Variants in BHLHA9 observed in about 807,000 individuals in gnomAD.
BHLHA9 encodes the protein class A basic helix-loop-helix protein 9.
For missense variants in BHLHA9, 344 were observed against 365.9 expected, an observed-to-expected ratio of 0.94 and a Z score of 0.49; for synonymous variants, 177 against 179.7, an observed-to-expected ratio of 0.98 and a Z score of 0.12.
Position 1,270,860 on chromosome 17 carries a change from G to A in BHLHA9, c.297G>A (p.Lys99=). 1 of 1,476,272 alleles carries A rather than the reference G, an allele frequency of 6.8e-7. No homozygotes were observed. Among genetic ancestry groups the A allele is most frequent in the Non-Finnish European group, 8.9e-7 (1 of 1,119,180 alleles). The allele number at this position is 1,476,272 out of a possible 1,614,324, so 91.4% of individuals were successfully genotyped here. A position where few individuals can be genotyped will look rare whatever the true frequency, so the allele number is the denominator to read the frequency against. ...RRALRHDLGG[K]RLSKIATLRR... ...CGCTGCGGCACGACCTGGGCGGCAA[G>A]AGGCTCTCCAAGATCGCCACGCTGC... Residue 99 remains lysine, a synonymous_variant, in exon 1 of 1, where the codon AAG becomes AAA. Transcript: ENST00000391429.
chr17:1,271,512 G>GCC lies in BHLHA9; in HGVS notation c.*241_*242insCC. The GCC allele has an allele frequency of 2.5e-6, 1 of 395,538 alleles. No homozygotes were observed. Among genetic ancestry groups the GCC allele is most frequent in the Non-Finnish European group, 4.6e-6 (1 of 216,702 alleles). 24.5% of individuals were successfully genotyped at this position (395,538 alleles called of 1,614,324 possible). Reference sequence around the variant, plus strand: ...GGCTGCGCCCCCACATCCCAGCCTAGGGAGGCAGTTGCCAGAAAGGCTCAG... The same window carrying GCC: ...GGCTGCGCCCCCACATCCCAGCCTAGCCGGAGGCAGTTGCCAGAAAGGCTCAG... On this transcript the variant is annotated 3_prime_UTR_variant, in exon 1 of 1. Coordinates refer to ENST00000391429, the MANE Select transcript of BHLHA9 (RefSeq NM_001164405.2).
Position 1,271,116 on chromosome 17 carries a change from C to T in BHLHA9, c.553C>T (p.Leu185=). ...CGCCTCGTGCCCCCCGCACGCGCCCCTGGCACGGCCCAGTGCGGTGGCCGA... is the reference window on the plus strand; with the variant it reads ...CGCCTCGTGCCCCCCGCACGCGCCCTTGGCACGGCCCAGTGCGGTGGCCGA... ...RCASCPPHAP[L]ARPSAVAEGP... is the part of the protein sequence containing the mutation. The change falls in exon 1 of 1, where the codon CTG becomes TTG. Residue 185 remains leucine, a synonymous_variant. Transcript: ENST00000391429. 8.1e-7 allele frequency: 1 copy of T among 1,239,170 alleles called. No homozygotes were observed. 76.8% of individuals were successfully genotyped at this position (1,239,170 alleles called of 1,614,324 possible).
Position 1,270,973 on chromosome 17 carries a change from A to C in BHLHA9, c.410A>C (p.His137Pro). The C allele has an allele frequency of 8.1e-7, 1 of 1,236,266 alleles. No individual in the cohort carries two copies. Among genetic ancestry groups the C allele is most frequent in the East Asian group, 3.3e-5 (1 of 30,482 alleles). 76.6% of individuals were successfully genotyped at this position (1,236,266 alleles called of 1,614,324 possible). ...GGGCCCTGCGGACACCTGGAGTGCC[A>C]CGGCCCGGCCGCGCGCGGGGACACC... ...PRGPCGHLEC[H>P]GPAARGDTGD... is the part of the protein sequence containing the mutation. The change falls in exon 1 of 1, where the codon CAC (histidine) becomes CCC (proline). Residue 137 changes from histidine (H) to proline (P), a missense_variant. By Grantham distance (77) the His-to-Pro change is moderately conservative. Transcript: ENST00000391429.
At position 1,270,638 on chromosome 17, in the gene BHLHA9, C is replaced by A; in HGVS notation, c.75C>A (p.Gly25=). ...GAEDSAEDLG[G]PCPEPGGDSG... ...AGGACTCTGCGGAGGACTTGGGGGG[C>A]CCCTGCCCCGAGCCCGGGGGCGATT... The change falls in exon 1 of 1, where the codon GGC becomes GGA. Residue 25 remains glycine, a synonymous_variant. Transcript: ENST00000391429. The A allele has an allele frequency of 1.5e-6, 2 of 1,305,732 alleles. No homozygotes were observed. Among genetic ancestry groups the A allele is most frequent in the Non-Finnish European group, 1.9e-6 (2 of 1,034,198 alleles). The allele number at this position is 1,305,732 out of a possible 1,614,324, so 80.9% of individuals were successfully genotyped here.
Position 1,270,756 on chromosome 17 carries a change from G to C in BHLHA9, c.193G>C (p.Ala65Pro). The C allele has an allele frequency of 1.4e-6, 2 of 1,453,604 alleles. No individual in the cohort carries two copies. Among genetic ancestry groups the C allele is most frequent in the Non-Finnish European group, 1.8e-6 (2 of 1,107,116 alleles). 90.0% of individuals were successfully genotyped at this position (1,453,604 alleles called of 1,614,324 possible). Reference sequence around the variant, plus strand: ...GCGCGCGCGGCCGGTGCGGTCCAAGGCGCGGCGCATGGCCGCCAACGTGCG... The same window carrying C: ...GCGCGCGCGGCCGGTGCGGTCCAAGCCGCGGCGCATGGCCGCCAACGTGCG... ...RRRARPVRSKARRMAANVRER... is the reference protein window; with the variant it reads ...RRRARPVRSKPRRMAANVRER... Residue 65 changes from alanine to proline, a missense_variant, in exon 1 of 1, where the codon GCG becomes CCG. By Grantham distance (27) the Ala-to-Pro change is conservative. Transcript: ENST00000391429.
Position 1,270,556 on chromosome 17 carries a change from G to A in BHLHA9, c.-8G>A. The A allele has an allele frequency of 7.9e-7, 1 of 1,266,602 alleles. No homozygotes were observed. The highest frequency in any genetic ancestry group is 9.9e-7 in the Non-Finnish European group (1 of 1,008,254). The allele number at this position is 1,266,602 out of a possible 1,614,324, so 78.5% of individuals were successfully genotyped here. ...GGCTGGGGCAGAGGGCGAGTGCCCGGGAAGGCCATGCTGCGGGGCGCGCCA... is the reference window on the plus strand; with the variant it reads ...GGCTGGGGCAGAGGGCGAGTGCCCGAGAAGGCCATGCTGCGGGGCGCGCCA... On this transcript the variant is annotated 5_prime_UTR_variant, in exon 1 of 1. Coordinates refer to ENST00000391429, the MANE Select transcript of BHLHA9 (RefSeq NM_001164405.2).
At position 1,270,534 on chromosome 17, in the gene BHLHA9, T is replaced by C; in HGVS notation, c.-30T>C. 1.7e-6 allele frequency: 2 copies of C among 1,206,586 alleles called. No individual in the cohort carries two copies. The highest frequency in any genetic ancestry group is 3.2e-5 in the South Asian group (1 of 31,162). 74.7% of individuals were successfully genotyped at this position (1,206,586 alleles called of 1,614,324 possible). A position where few individuals can be genotyped will look rare whatever the true frequency, so the allele number is the denominator to read the frequency against. The stretch of plus-strand genomic sequence containing the variant: ...AGGGCAGAGGGCAGAGGGCCGGGGC[T>C]GGGGCAGAGGGCGAGTGCCCGGGAA... On this transcript the variant is annotated 5_prime_UTR_variant, in exon 1 of 1. Coordinates refer to ENST00000391429, the MANE Select transcript of BHLHA9 (RefSeq NM_001164405.2).
In BHLHA9 at chr17:1,270,984, G is replaced by A; in HGVS notation, c.421G>A (p.Ala141Thr). 1 of 1,223,496 alleles carries A rather than the reference G, an allele frequency of 8.2e-7. No individual in the cohort carries two copies. Among genetic ancestry groups the A allele is most frequent in the East Asian group, 3.3e-5 (1 of 30,124 alleles). The allele number at this position is 1,223,496 out of a possible 1,614,324, so 75.8% of individuals were successfully genotyped here. The change falls in exon 1 of 1, where the codon GCG becomes ACG. Residue 141 changes from alanine (A) to threonine (T), a missense_variant. By Grantham distance (58) the Ala-to-Thr change is moderately conservative. Transcript: ENST00000391429. The part of the protein sequence containing the change: ...CGHLECHGPA[A>T]RGDTGDTGAS... ...ACACCTGGAGTGCCACGGCCCGGCCGCGCGCGGGGACACCGGGGACACAGG... is the reference window on the plus strand; with the variant it reads ...ACACCTGGAGTGCCACGGCCCGGCCACGCGCGGGGACACCGGGGACACAGG...
Position 1,270,718 on chromosome 17 carries a change from C to G in BHLHA9, c.155C>G (p.Pro52Arg), listed in dbSNP as rs1046808951. The change falls in exon 1 of 1, where the codon CCG becomes CGG. Residue 52 changes from proline to arginine, a missense_variant. Coordinates refer to ENST00000391429, the MANE Select transcript of BHLHA9 (RefSeq NM_001164405.2). ...TGCAGCCGGGGCGAGGCGGAGGAGC[C>G]GGCGGGCAGGAGGCGCGCGCGGCCG... Reference protein sequence around the residue: ...ASCSRGEAEEPAGRRRARPVR... With the variant: ...ASCSRGEAEERAGRRRARPVR... The G allele has an allele frequency of 7.4e-7, 1 of 1,342,552 alleles. No individual in the cohort carries two copies. The highest frequency in any genetic ancestry group is 4.0e-5 in the Admixed American group (1 of 24,768). 83.2% of individuals were successfully genotyped at this position (1,342,552 alleles called of 1,614,324 possible).
In BHLHA9 at chr17:1,271,002, G is replaced by T. The variant is rs890738099; in HGVS notation, c.439G>T (p.Asp147Tyr). 274 of 1,211,286 alleles carry T rather than the reference G, an allele frequency of 2.3e-4. No individual in the cohort carries two copies. The highest frequency in any genetic ancestry group is 2.8e-4 in the Non-Finnish European group (271 of 975,916). 75.0% of individuals were successfully genotyped at this position (1,211,286 alleles called of 1,614,324 possible). ...CCCGGCCGCGCGCGGGGACACCGGG[G>T]ACACAGGCGCCAGCCCCCCGCCGCC... is the stretch of plus-strand genomic sequence containing the variant. ...HGPAARGDTG[D>Y]TGASPPPPAG... Residue 147 changes from aspartate to tyrosine, a missense_variant, in exon 1 of 1, where the codon GAC (aspartate) becomes TAC (tyrosine). By Grantham distance (160) the Asp-to-Tyr change is radical. Coordinates refer to ENST00000391429, the MANE Select transcript of BHLHA9 (RefSeq NM_001164405.2).
In BHLHA9 at chr17:1,271,221, C is replaced by G; in HGVS notation, c.658C>G (p.Pro220Ala). Residue 220 changes from proline (P) to alanine (A), a missense_variant, in exon 1 of 1, where the codon CCG becomes GCG. Coordinates refer to ENST00000391429, the MANE Select transcript of BHLHA9 (RefSeq NM_001164405.2). Reference sequence around the variant, plus strand: ...TTCCTCTGCCGGGCCGCCTCCCTGGCCGCGGGGCTACCTGCGATCCGCCCC... The same window carrying G: ...TTCCTCTGCCGGGCCGCCTCCCTGGGCGCGGGGCTACCTGCGATCCGCCCC... ...GASSAGPPPWPRGYLRSAPGM... is the reference protein window; with the variant it reads ...GASSAGPPPWARGYLRSAPGM... 8.0e-7 allele frequency: 1 copy of G among 1,254,668 alleles called. No homozygotes were observed. Among genetic ancestry groups the G allele is most frequent in the Non-Finnish European group, 1.0e-6 (1 of 993,332 alleles). The allele number at this position is 1,254,668 out of a possible 1,614,324, so 77.7% of individuals were successfully genotyped here.
At position 1,271,166 on chromosome 17, in the gene BHLHA9, C is replaced by G. The variant is rs1049249975; in HGVS notation, c.603C>G (p.Ser201=). 1.1e-5 allele frequency: 14 copies of G among 1,241,766 alleles called. No individual in the cohort carries two copies. The African/African-American group carries it at 1.7e-4, about 15-fold the overall frequency. 76.9% of individuals were successfully genotyped at this position (1,241,766 alleles called of 1,614,324 possible). The change falls in exon 1 of 1, where the codon TCC becomes TCG. Residue 201 remains serine, a synonymous_variant. Transcript: ENST00000391429. Reference sequence around the variant, plus strand: ...AGGGGCCGGGCCTAGCACAGGCCTCCGGGGGAAGCTGGCGCCGCTGTCCGG... The same window carrying G: ...AGGGGCCGGGCCTAGCACAGGCCTCGGGGGGAAGCTGGCGCCGCTGTCCGG... ...VAEGPGLAQA[S]GGSWRRCPGA...
In BHLHA9 at chr17:1,271,655, G is replaced by A. The variant is rs1389248007; in HGVS notation, c.*384G>A. ...GAGAGTGAGGGCTTTGAGGCAGGAG[G>A]TGTGGGAGCGTGGGAATGCGGGTGG... On this transcript the variant is annotated 3_prime_UTR_variant, in exon 1 of 1. Coordinates refer to ENST00000391429, the MANE Select transcript of BHLHA9 (RefSeq NM_001164405.2). 1.3e-5 allele frequency among the ~76,000 whole-genome samples: 2 copies of A among 152,264 alleles called. No individual in the cohort carries two copies. Among genetic ancestry groups the A allele is most frequent in the Non-Finnish European group, 2.9e-5 (2 of 68,052 alleles).
In BHLHA9 at chr17:1,270,500, A is replaced by G; in HGVS notation, c.-64A>G. 16 of 955,594 alleles carry G rather than the reference A, an allele frequency of 1.7e-5. No individual in the cohort carries two copies. Among genetic ancestry groups the G allele is most frequent in the Non-Finnish European group, 1.9e-5 (14 of 730,818 alleles). 59.2% of individuals were successfully genotyped at this position (955,594 alleles called of 1,614,324 possible). A position where few individuals can be genotyped will look rare whatever the true frequency, so the allele number is the denominator to read the frequency against. ...TCCGCGTCGCGAGCCGGGCCAAGGC[A>G]GTGGGCAGAGGGCAGAGGGCAGAGG... On this transcript the variant is annotated 5_prime_UTR_variant, in exon 1 of 1. Coordinates refer to ENST00000391429, the MANE Select transcript of BHLHA9 (RefSeq NM_001164405.2).
At position 1,270,770 on chromosome 17, in the gene BHLHA9, C is replaced by T; in HGVS notation, c.207C>T (p.Ala69=). The part of the protein sequence containing the change: ...RPVRSKARRM[A]ANVRERKRIL... ...TGCGGTCCAAGGCGCGGCGCATGGC[C>T]GCCAACGTGCGGGAGCGCAAGCGCA... Residue 69 remains alanine, a synonymous_variant, in exon 1 of 1, where the codon GCC becomes GCT. Transcript: ENST00000391429. The T allele has an allele frequency of 6.8e-7, 1 of 1,461,542 alleles. No individual in the cohort carries two copies. Among genetic ancestry groups the T allele is most frequent in the Non-Finnish European group, 9.0e-7 (1 of 1,111,060 alleles). 90.5% of individuals were successfully genotyped at this position (1,461,542 alleles called of 1,614,324 possible).
chr17:1,271,185 T>C lies in BHLHA9; in HGVS notation c.622T>C (p.Cys208Arg). ...AQASGGSWRR[C>R]PGASSAGPPP... The stretch of plus-strand genomic sequence containing the variant: ...GGCCTCCGGGGGAAGCTGGCGCCGC[T>C]GTCCGGGGGCTTCCTCTGCCGGGCC... Residue 208 changes from cysteine to arginine, a missense_variant, in exon 1 of 1, where the codon TGT becomes CGT. Transcript: ENST00000391429. 8.0e-7 allele frequency: 1 copy of C among 1,246,702 alleles called. No individual in the cohort carries two copies. The allele number at this position is 1,246,702 out of a possible 1,614,324, so 77.2% of individuals were successfully genotyped here.
Position 1,270,880 on chromosome 17 carries a change from C to T in BHLHA9, c.317C>T (p.Thr106Met). The T allele has an allele frequency of 6.8e-7, 1 of 1,473,364 alleles. No homozygotes were observed. Among genetic ancestry groups the T allele is most frequent in the African/African-American group, 1.5e-5 (1 of 68,284 alleles). The allele number at this position is 1,473,364 out of a possible 1,614,324, so 91.3% of individuals were successfully genotyped here. The change falls in exon 1 of 1, where the codon ACG (threonine) becomes ATG (methionine). Residue 106 changes from threonine (T) to methionine (M), a missense_variant. Thr to Met is a moderately conservative substitution (Grantham distance 81). Coordinates refer to ENST00000391429, the MANE Select transcript of BHLHA9 (RefSeq NM_001164405.2). ...GGCAAGAGGCTCTCCAAGATCGCCACGCTGCGCAGGGCCATCCACCGCATC... is the reference window on the plus strand; with the variant it reads ...GGCAAGAGGCTCTCCAAGATCGCCATGCTGCGCAGGGCCATCCACCGCATC... ...LGGKRLSKIATLRRAIHRIAA... is the reference protein window; with the variant it reads ...LGGKRLSKIAMLRRAIHRIAA...
rs1181572015 is a variant in BHLHA9 at position 1,271,509 on chromosome 17, C to T, written c.*238C>T. On this transcript the variant is annotated 3_prime_UTR_variant, in exon 1 of 1. Coordinates refer to ENST00000391429, the MANE Select transcript of BHLHA9 (RefSeq NM_001164405.2). Reference sequence around the variant, plus strand: ...TGGGGCTGCGCCCCCACATCCCAGCCTAGGGAGGCAGTTGCCAGAAAGGCT... The same window carrying T: ...TGGGGCTGCGCCCCCACATCCCAGCTTAGGGAGGCAGTTGCCAGAAAGGCT... 2 of 397,400 alleles carry T rather than the reference C, an allele frequency of 5.0e-6. No homozygotes were observed. The highest frequency in any genetic ancestry group is 9.2e-6 in the Non-Finnish European group (2 of 217,788). The allele number at this position is 397,400 out of a possible 1,614,324, so 24.6% of individuals were successfully genotyped here.
Position 1,270,885 on chromosome 17 carries a change from C to T in BHLHA9, c.322C>T (p.Arg108Cys). The T allele has an allele frequency of 6.8e-7, 1 of 1,464,128 alleles. No individual in the cohort carries two copies. Among genetic ancestry groups the T allele is most frequent in the Non-Finnish European group, 9.0e-7 (1 of 1,112,438 alleles). 90.7% of individuals were successfully genotyped at this position (1,464,128 alleles called of 1,614,324 possible). Residue 108 changes from arginine (R) to cysteine (C), a missense_variant, in exon 1 of 1, where the codon CGC (arginine) becomes TGC (cysteine). By Grantham distance (180) the Arg-to-Cys change is radical. Transcript: ENST00000391429. ...GKRLSKIATLRRAIHRIAALS... is the reference protein window; with the variant it reads ...GKRLSKIATLCRAIHRIAALS... ...GAGGCTCTCCAAGATCGCCACGCTG[C>T]GCAGGGCCATCCACCGCATCGCCGC...
Sources: gnomAD v4.1 joint callset for allele counts (sites outside exome capture counted in the v4.1 genomes callset) on GRCh38, gnomAD v4.1.1 for gene constraint, MANE v1.5 for transcripts, NCBI Gene and HGNC (gene_info 2026-07-23, HGNC 2026-07-21) for gene names.